Variants in NRG2 observed in about 807,000 individuals in gnomAD.
The protein encoded by NRG2 is pro-neuregulin-2, membrane-bound isoform.
In NRG2, 27 loss-of-function variants were observed where a neutral mutation model predicts 73.9. That is an observed-to-expected ratio of 0.37 (90% CI 0.27 to 0.50). The LOEUF (loss-of-function observed/expected upper bound fraction) is 0.50, where lower values mean the gene tolerates loss of function less well. Ranked by LOEUF, NRG2 falls within the 20% of genes least tolerant of loss-of-function variation. NRG2 has a pLI of 0.96. For missense variants in NRG2, 1,126 were observed against 1,210.1 expected, an observed-to-expected ratio of 0.93 and a Z score of 1.03; for synonymous variants, 532 against 541.0, an observed-to-expected ratio of 0.98 and a Z score of 0.23.
In NRG2 at chr5:139,901,026, G is replaced by A. The variant is rs761569508; in HGVS notation, c.701-13515C>T. 3.9e-5 allele frequency among the ~76,000 whole-genome samples: 6 copies of A among 152,310 alleles called. 1 individual carries two copies. Among genetic ancestry groups the A allele is most frequent in the Non-Finnish European group, 7.3e-5 (5 of 68,032 alleles). On this transcript the variant is annotated intron_variant, in intron 1 of 9. Transcript: ENST00000361474. ...ATGGCCCAGCTCATACTCTTTTAAG[G>A]GGGACTATACCCTCTGTTTGCAACC... is the stretch of plus-strand genomic sequence containing the variant.
At chr5:139,886,205 T>G (rs1763860109) in intron 2 of NRG2, among the ~76,000 whole-genome samples, 2 of 152,232 alleles carry the variant, frequency 1.3e-5, no homozygotes, top group Non-Finnish European at 2.9e-5. Context: ...TCAGTTTTAC[T>G]TCTGCTCCCC....
chr5:139,995,993 G>A (rs1315193421), intron 1 of NRG2, among the ~76,000 whole-genome samples: 1 of 152,126 alleles, frequency 6.6e-6, no homozygotes, highest in African/African-American at 2.4e-5. Flanking sequence ...TCCAGCCTGG[G>A]TGACAGAGAA....
intron 1 of NRG2, among the ~76,000 whole-genome samples, chr5:139,931,026 C>T (rs1172644833): frequency 2.0e-5 from 3 of 152,230 alleles, no homozygotes; most frequent in Non-Finnish European, 4.4e-5. Flanking sequence ...GAATGCTCGC[C>T]TAGTCATTCT....
chr5:139,986,074 A>G (rs1165063809), intron 1 of NRG2, among the ~76,000 whole-genome samples: 1 of 152,222 alleles, frequency 6.6e-6, no homozygotes, highest in Non-Finnish European at 1.5e-5. Flanking sequence ...CAGCTCCAGG[A>G]TTAGCAGAAT....
chr5:139,997,065 T>A (rs1758074580), intron 1 of NRG2, among the ~76,000 whole-genome samples: 1 of 151,998 alleles, frequency 6.6e-6, no homozygotes, highest in Non-Finnish European at 1.5e-5. Context: ...TCACCTGAGC[T>A]TGGGAGGTCG....
chr5:139,979,676 G>T (rs1407862271), intron 1 of NRG2, among the ~76,000 whole-genome samples: 5 of 152,340 alleles, frequency 3.3e-5, no homozygotes, highest in African/African-American at 1.2e-4. Flanking sequence ...AGAGCCTCAT[G>T]TGAGTGTGCT....
At chr5:139,908,482 T>G (rs1464953610) in intron 1 of NRG2, among the ~76,000 whole-genome samples, 1 of 152,186 alleles carries the variant, frequency 6.6e-6, no homozygotes, top group Non-Finnish European at 1.5e-5. Flanking sequence ...TATGATAGTA[T>G]TAACTCACTT....
At chr5:139,991,903 A>G (rs1461866482) in intron 1 of NRG2, among the ~76,000 whole-genome samples, 1 of 152,098 alleles carries the variant, frequency 6.6e-6, no homozygotes, top group East Asian at 1.9e-4. Flanking sequence ...AATATATTTT[A>G]TTGGTCAGTT....
chr5:139,859,878 AG>A (rs1762039841), intron 5 of NRG2: 1 of 1,611,724 alleles, frequency 6.2e-7, no homozygotes, highest in Non-Finnish European at 8.5e-7. Context: ...TGACACACAG[AG>A]GTTTCATACC....
chr5:140,019,840 C>T (rs1258244219), intron 1 of NRG2, among the ~76,000 whole-genome samples: 2 of 152,220 alleles, frequency 1.3e-5, no homozygotes, highest in African/African-American at 4.8e-5. Context: ...GCAACCTCAG[C>T]CTCCTGGATT....
chr5:139,924,244 C>A (rs1751885609), intron 1 of NRG2, among the ~76,000 whole-genome samples: 1 of 152,248 alleles, frequency 6.6e-6, no homozygotes, highest in South Asian at 2.1e-4. Context: ...GGATTGCCAT[C>A]TCTTTTGGTC....
At chr5:140,023,146 C>G (rs1195270808) in intron 1 of NRG2, among the ~76,000 whole-genome samples, 1 of 152,126 alleles carries the variant, frequency 6.6e-6, no homozygotes, top group Non-Finnish European at 1.5e-5. Context: ...CTATCATATC[C>G]CTGCTCCAAT....
intron 1 of NRG2, among the ~76,000 whole-genome samples, chr5:139,989,836 C>T (rs539380131): frequency 2.0e-5 from 3 of 150,726 alleles, no homozygotes; most frequent in South Asian, 2.1e-4. Context: ...TTGCCCAGGC[C>T]GGACTGCAGT....
chr5:139,883,102 C>G (rs958203838), intron 2 of NRG2, among the ~76,000 whole-genome samples: 4 of 152,130 alleles, frequency 2.6e-5, no homozygotes, highest in African/African-American at 9.7e-5. Context: ...CCTCCTCACT[C>G]CCAGCTCCAG....
intron 1 of NRG2, among the ~76,000 whole-genome samples, chr5:139,959,584 C>T (rs1411345493): frequency 6.6e-6 from 1 of 152,208 alleles, no homozygotes; most frequent in Non-Finnish European, 1.5e-5. Context: ...CCACGTTGGT[C>T]AGGCTGGTCT....
At chr5:139,880,667 A>G (rs1390694144) in intron 3 of NRG2, among the ~76,000 whole-genome samples, 189 bp downstream of exon 3, 1 of 152,114 alleles carries the variant, frequency 6.6e-6, no homozygotes, top group Non-Finnish European at 1.5e-5. Context: ...CCCAGATAAC[A>G]AAGCTAAACA....
intron 1 of NRG2, among the ~76,000 whole-genome samples, chr5:139,918,124 G>A (rs1187659522): frequency 2.0e-5 from 3 of 152,162 alleles, no homozygotes; most frequent in South Asian, 2.1e-4. Flanking sequence ...GCACAATTGT[G>A]AAAGAGACTA....
chr5:139,940,448 T>C (rs985909642), intron 1 of NRG2, among the ~76,000 whole-genome samples: 3 of 152,254 alleles, frequency 2.0e-5, no homozygotes, highest in Non-Finnish European at 4.4e-5. Context: ...AAACATCCTC[T>C]AACATGATTG....
At chr5:140,019,900 T>G (rs1436794237) in intron 1 of NRG2, among the ~76,000 whole-genome samples, 1 of 152,084 alleles carries the variant, frequency 6.6e-6, no homozygotes, top group Non-Finnish European at 1.5e-5. Flanking sequence ...TACAGGCACC[T>G]ACCTCCACGC....
Sources: gnomAD v4.1 joint callset for allele counts (sites outside exome capture counted in the v4.1 genomes callset) on GRCh38, gnomAD v4.1.1 for gene constraint, MANE v1.5 for transcripts, NCBI Gene and HGNC (gene_info 2026-07-23, HGNC 2026-07-21) for gene names.